ADAMTSL3: variants seen among roughly 807,000 people sequenced by gnomAD.
ADAMTSL3 encodes the protein ADAMTS like 3.
A neutral mutation model predicts 201.7 loss-of-function variants in ADAMTSL3; 128 were observed. The observed-to-expected ratio is 0.63, with a 90% confidence interval of 0.55 to 0.73. The LOEUF (loss-of-function observed/expected upper bound fraction) is 0.73. ADAMTSL3 is among the 30% of genes least tolerant of loss of function. The probability of loss-of-function intolerance (pLI) is 0.00; values close to 1 mark genes in which losing one functional copy is unlikely to be tolerated. For missense variants in ADAMTSL3, 1,990 were observed against 2,119.6 expected, an observed-to-expected ratio of 0.94 and a Z score of 1.20; for synonymous variants, 738 against 748.4, an observed-to-expected ratio of 0.99 and a Z score of 0.23.
intron 7 of ADAMTSL3, among the ~76,000 whole-genome samples, chr15:83,848,148 AC>A (rs1359737628): frequency 6.6e-6 from 1 of 152,034 alleles, no homozygotes; most frequent in Non-Finnish European, 1.5e-5. Context: ...AGAAAAAAAA[AC>A]CCAACCAACT....
chr15:83,793,916 C>T (rs990046706), intron 4 of ADAMTSL3, among the ~76,000 whole-genome samples: 3 of 152,064 alleles, frequency 2.0e-5, no homozygotes, highest in African/African-American at 7.2e-5. Flanking sequence ...TTGAAAATCA[C>T]CTAACAAAGG....
At chr15:83,770,851 T>C (rs1234036983) in intron 3 of ADAMTSL3, among the ~76,000 whole-genome samples, 5 of 152,060 alleles carry the variant, frequency 3.3e-5, no homozygotes, top group Admixed American at 3.3e-4. Flanking sequence ...GGGCGGATTA[T>C]GAGATCAGGT....
chr15:83,967,400 G>A (rs2067109529), intron 19 of ADAMTSL3, among the ~76,000 whole-genome samples: 1 of 152,118 alleles, frequency 6.6e-6, no homozygotes, highest in South Asian at 2.1e-4. Context: ...CAAACAGAAA[G>A]TCAAATCATG....
Position 84,031,342 on chromosome 15 carries a change from G to C in ADAMTSL3, c.4664G>C (p.Gly1555Ala). 6.2e-7 allele frequency: 1 copy of C among 1,613,890 alleles called. No individual in the cohort carries two copies. Among genetic ancestry groups the C allele is most frequent in the Non-Finnish European group, 8.5e-7 (1 of 1,180,002 alleles). Reference sequence around the variant, plus strand: ...TGTGCTTTTTTGTTCCAGTGTCCTGGACGTTGCATGGGCCGTGCTGTGAGG... The same window carrying C: ...TGTGCTTTTTTGTTCCAGTGTCCTGCACGTTGCATGGGCCGTGCTGTGAGG... ...VQWEPGNRCP[G>A]RCMGRAVRMQ... The change falls in exon 28 of 30, where the codon GGA (glycine) becomes GCA (alanine). Residue 1555 changes from glycine (G) to alanine (A), a missense_variant. Physicochemically the swap from Gly to Ala is moderately conservative, Grantham distance 60. Transcript: ENST00000286744.
intron 23 of ADAMTSL3, among the ~76,000 whole-genome samples, chr15:84,010,974 G>T (rs1476476830): frequency 1.3e-5 from 2 of 152,046 alleles, no homozygotes; most frequent in East Asian, 1.9e-4. Context: ...TTTATTGCAC[G>T]CTCTTATCTC....
intron 2 of ADAMTSL3, 116 bp downstream of exon 2, chr15:83,655,946 C>G: frequency 9.1e-7 from 1 of 1,101,342 alleles, no homozygotes; most frequent in Non-Finnish European, 1.3e-6. Flanking sequence ...CACCAGAGAA[C>G]CAGACTTTCT....
chr15:83,971,575 A>G lies in ADAMTSL3; in HGVS notation c.2644+938A>G, dbSNP rs28673970. On this transcript the variant is annotated intron_variant, in intron 20 of 29. Coordinates refer to ENST00000286744, the MANE Select transcript of ADAMTSL3 (RefSeq NM_207517.3). ...CTCTGTCTCAAAAAAAAAAAAAAAA[A>G]AAGAAAGAAAGAAAAAAAGAGTTGT... 1.4e-3 allele frequency among the ~76,000 whole-genome samples: 139 copies of G among 102,124 alleles called. 2 individuals carry two copies. The highest frequency in any genetic ancestry group is 8.2e-3 in the Middle Eastern group (1 of 122). The allele number at this position is 102,124 out of a possible 152,430, so 67.0% of individuals were successfully genotyped here.
intron 19 of ADAMTSL3, among the ~76,000 whole-genome samples, chr15:83,959,530 C>A (rs2066922320): frequency 6.6e-6 from 1 of 152,176 alleles, no homozygotes; most frequent in Non-Finnish European, 1.5e-5. Context: ...AATACCACTT[C>A]ATACTAGAAA....
chr15:83,832,073 G>C (rs1192640757), intron 6 of ADAMTSL3, among the ~76,000 whole-genome samples: 1 of 152,154 alleles, frequency 6.6e-6, no homozygotes, highest in Admixed American at 6.5e-5. Context: ...AGGTAGGAAG[G>C]GGTAAATATG....
intron 15 of ADAMTSL3, 84 bp downstream of exon 15, chr15:83,899,815 G>T: frequency 1.4e-6 from 2 of 1,479,306 alleles, no homozygotes; most frequent in African/African-American, 2.8e-5. Context: ...TTGGAGTACA[G>T]TGATACATTT....
intron 21 of ADAMTSL3, among the ~76,000 whole-genome samples, chr15:83,985,096 C>A (rs1459728997): frequency 1.3e-5 from 2 of 152,042 alleles, no homozygotes; most frequent in Non-Finnish European, 2.9e-5. Flanking sequence ...TTTACCCATA[C>A]AAGATTTTTT....
chr15:83,881,558 T>C (rs2065271477), intron 9 of ADAMTSL3, among the ~76,000 whole-genome samples: 2 of 152,158 alleles, frequency 1.3e-5, no homozygotes, highest in South Asian at 4.1e-4. Flanking sequence ...TAAAATACAC[T>C]AAAAATATTT....
chr15:83,930,986 T>C (rs191626056), intron 17 of ADAMTSL3, among the ~76,000 whole-genome samples: 1 of 152,292 alleles, frequency 6.6e-6, no homozygotes, highest in African/African-American at 2.4e-5. Flanking sequence ...CAAAGGCAAA[T>C]GTATTTGATG....
chr15:83,801,750 A>G (rs2063529015), intron 4 of ADAMTSL3, among the ~76,000 whole-genome samples: 1 of 140,266 alleles, frequency 7.1e-6, no homozygotes, highest in Non-Finnish European at 1.6e-5. Context: ...ATGCAGAGAG[A>G]GGGAGCTCCA....
intron 4 of ADAMTSL3, among the ~76,000 whole-genome samples, chr15:83,778,317 A>T (rs1421938319): frequency 1.3e-5 from 2 of 152,166 alleles, no homozygotes; most frequent in Admixed American, 1.3e-4. Flanking sequence ...ATCCCAAGAG[A>T]CATAGCCATT....
chr15:83,787,107 C>G (rs1331093335), intron 4 of ADAMTSL3, among the ~76,000 whole-genome samples: 1 of 152,074 alleles, frequency 6.6e-6, no homozygotes, highest in Non-Finnish European at 1.5e-5. Context: ...CATAAAAATG[C>G]CTTTTGAGTC....
intron 2 of ADAMTSL3, among the ~76,000 whole-genome samples, chr15:83,686,998 C>G (rs1226411816): frequency 4.0e-5 from 6 of 151,756 alleles, no homozygotes; most frequent in Admixed American, 3.9e-4. Context: ...CGAGATGAGT[C>G]TGGGCAACAC....
intron 4 of ADAMTSL3, among the ~76,000 whole-genome samples, chr15:83,792,189 A>C (rs1372588408): frequency 1.3e-5 from 2 of 152,216 alleles, no homozygotes; most frequent in African/African-American, 4.8e-5. Context: ...CTGATTAAAA[A>C]ATGGGCAAAG....
At position 84,039,270 on chromosome 15, in the gene ADAMTSL3, G is replaced by T. The variant is rs2068563344; in HGVS notation, c.*1464G>T. 1 of 152,654 alleles carries T rather than the reference G, an allele frequency of 6.6e-6. No homozygotes were observed. Among genetic ancestry groups the T allele is most frequent in the Admixed American group, 6.5e-5 (1 of 15,282 alleles). The allele number at this position is 152,654 out of a possible 1,614,324, so 9.5% of individuals were successfully genotyped here. On this transcript the variant is annotated 3_prime_UTR_variant, in exon 30 of 30. Transcript: ENST00000286744. ...CTCTGCTGAGCCTAGTTCCTGGTCA[G>T]TAATAACTGAACAGTGCATTTTGGC...
Sources: allele counts gnomAD v4.1 joint callset (sites outside exome capture counted in the v4.1 genomes callset), GRCh38; gene constraint gnomAD v4.1.1; transcripts MANE v1.5; gene names NCBI Gene and HGNC (gene_info 2026-07-23, HGNC 2026-07-21).